ITM2C: variants seen among roughly 807,000 people sequenced by gnomAD.
ITM2C encodes the protein integral membrane protein 2C.
ITM2C carries 20 observed loss-of-function variants against 30.0 expected under a neutral mutation model. The ratio of observed to expected loss-of-function variants is 0.67; its 90% CI spans 0.47 to 0.97. The LOEUF (loss-of-function observed/expected upper bound fraction) is 0.97, where lower values mean the gene tolerates loss of function less well. ITM2C is among the 50% of genes least tolerant of loss of function. The pLI, the probability that ITM2C is intolerant of heterozygous loss-of-function variation, is 0.00. For synonymous variants in ITM2C, 167 were observed against 156.4 expected (o/e 1.07, Z -0.51); for missense variants, 366 against 371.9 (o/e 0.98, Z 0.13).
chr2:230,875,642 G>A lies in ITM2C; in HGVS notation c.284G>A (p.Arg95His), dbSNP rs752126165. ...LAQLARDNFFRCGVLYEDSLS... is the reference protein window; with the variant it reads ...LAQLARDNFFHCGVLYEDSLS... ...CAGCTGGCCCGAGATAACTTCTTCCGCTGTGGTGTGCTGTATGAGGACTCC... is the reference window on the plus strand; with the variant it reads ...CAGCTGGCCCGAGATAACTTCTTCCACTGTGGTGTGCTGTATGAGGACTCC... Residue 95 changes from arginine to histidine, a missense_variant, in exon 3 of 6, where the codon CGC becomes CAC. By Grantham distance (29) the Arg-to-His change is conservative. Transcript: ENST00000326427. The A allele has an allele frequency of 2.5e-5, 40 of 1,607,464 alleles. No homozygotes were observed. Among genetic ancestry groups the A allele is most frequent in the African/African-American group, 1.5e-4 (11 of 74,674 alleles).
intron 1 of ITM2C, among the ~76,000 whole-genome samples, chr2:230,871,561 G>C (rs1265653097): frequency 6.6e-6 from 1 of 152,250 alleles, no homozygotes; most frequent in Non-Finnish European, 1.5e-5. Flanking sequence ...CTGAGGAGAT[G>C]ACAGTGGGCA....
chr2:230,871,112 C>T (rs761028357), intron 1 of ITM2C, among the ~76,000 whole-genome samples: 13 of 152,248 alleles, frequency 8.5e-5, no homozygotes, highest in Admixed American at 3.9e-4. Context: ...ACCCCTGTCA[C>T]GCAGAGTCTG....
intron 3 of ITM2C, among the ~76,000 whole-genome samples, chr2:230,876,160 G>A (rs1342105567): frequency 6.6e-6 from 1 of 152,174 alleles, no homozygotes; most frequent in Non-Finnish European, 1.5e-5. Flanking sequence ...ACCCCCATGG[G>A]TCCTGAGACA....
At position 230,876,066 on chromosome 2, in the gene ITM2C, G is replaced by A. The variant is rs191512965; in HGVS notation, c.450+258G>A. Among the ~76,000 whole-genome samples, 304 of 123,866 alleles carry A rather than the reference G, an allele frequency of 2.5e-3. 5 individuals are homozygous for A. In the East Asian group the frequency reaches 0.054, roughly 22 times the overall value. The allele number at this position is 123,866 out of a possible 152,430, so 81.3% of individuals were successfully genotyped here. A position where few individuals can be genotyped will look rare whatever the true frequency, so the allele number is the denominator to read the frequency against. On this transcript the variant is annotated intron_variant, in intron 3 of 5. Transcript: ENST00000326427. ...CATGGCAGGGCCAGTGCGTTGTATC[G>A]AGGGGTAGTACATTCACCATCGAGT... is the stretch of plus-strand genomic sequence containing the variant.
intron 1 of ITM2C, among the ~76,000 whole-genome samples, chr2:230,868,052 G>A (rs1697072250): frequency 6.6e-6 from 1 of 152,116 alleles, no homozygotes; most frequent in African/African-American, 2.4e-5. Flanking sequence ...GGCAGTTCTT[G>A]ACCTGTGTCC....
chr2:230,865,290 C>A lies in ITM2C; in HGVS notation c.120+145C>A, dbSNP rs1015533859. ...AGGGTTGGGAAGTCTCGAATGGTTG[C>A]TTATCCCAGAATGAGGAGGGGGCTT... On this transcript the variant is annotated intron_variant, in intron 1 of 5. Transcript: ENST00000326427. The surrounding 1 kb of genome is among the most constrained non-coding windows in gnomAD (Gnocchi z 6.8). The A allele has an allele frequency of 3.5e-6, 3 of 866,422 alleles. No homozygotes were observed. Among genetic ancestry groups the A allele is most frequent in the Admixed American group, 4.2e-5 (1 of 23,582 alleles). The allele number at this position is 866,422 out of a possible 1,614,324, so 53.7% of individuals were successfully genotyped here. A position where few individuals can be genotyped will look rare whatever the true frequency, so the allele number is the denominator to read the frequency against.
At chr2:230,875,884 A>C in intron 3 of ITM2C, 76 bp downstream of exon 3, 4 of 1,231,052 alleles carry the variant, frequency 3.2e-6, no homozygotes, top group East Asian at 2.4e-5. Context: ...GCAGGGATGA[A>C]AGGAGACTCC....
intron 2 of ITM2C, among the ~76,000 whole-genome samples, chr2:230,875,393 C>T (rs1209762740): frequency 6.6e-6 from 1 of 152,166 alleles, no homozygotes; most frequent in Non-Finnish European, 1.5e-5. Flanking sequence ...AGCTGGGAAG[C>T]GCCTTGCCCA....
At chr2:230,867,361 C>T (rs1697052842) in intron 1 of ITM2C, among the ~76,000 whole-genome samples, 1 of 152,224 alleles carries the variant, frequency 6.6e-6, no homozygotes, top group Non-Finnish European at 1.5e-5. Flanking sequence ...TGTTGCCCCA[C>T]TTGGCCAACC....
intron 1 of ITM2C, among the ~76,000 whole-genome samples, chr2:230,869,642 G>A (rs752917299): frequency 8.5e-5 from 13 of 152,208 alleles, no homozygotes; most frequent in Non-Finnish European, 1.6e-4. Context: ...TGCAATCATC[G>A]TTAAATCGGC....
Position 230,865,301 on chromosome 2 carries a change from A to C in ITM2C, c.120+156A>C. On this transcript the variant is annotated intron_variant, in intron 1 of 5. Coordinates refer to ENST00000326427, the MANE Select transcript of ITM2C (RefSeq NM_030926.6). The surrounding 1 kb of genome is among the most constrained non-coding windows in gnomAD (Gnocchi z 6.8). ...GTCTCGAATGGTTGCTTATCCCAGA[A>C]TGAGGAGGGGGCTTAAGTCCCGTAC... is the stretch of plus-strand genomic sequence containing the variant. 2 of 752,686 alleles carry C rather than the reference A, an allele frequency of 2.7e-6. No individual in the cohort carries two copies. Among genetic ancestry groups the C allele is most frequent in the Non-Finnish European group, 3.7e-6 (2 of 544,250 alleles). The allele number at this position is 752,686 out of a possible 1,614,324, so 46.6% of individuals were successfully genotyped here. A position where few individuals can be genotyped will look rare whatever the true frequency, so the allele number is the denominator to read the frequency against.
chr2:230,874,251 G>A lies in ITM2C; in HGVS notation c.261+694G>A, dbSNP rs189791695. ...CTCCCACTCCTAAGCGTTTAACTTT[G>A]TTGTCCCCCAGTTTTTCCACGATGG... On this transcript the variant is annotated intron_variant, in intron 2 of 5. Coordinates refer to ENST00000326427, the MANE Select transcript of ITM2C (RefSeq NM_030926.6). 1.8e-4 allele frequency among the ~76,000 whole-genome samples: 28 copies of A among 152,308 alleles called. No individual in the cohort carries two copies. The East Asian group carries it at 5.0e-3, about 27-fold the overall frequency.
At chr2:230,867,514 A>G (rs1697057143) in intron 1 of ITM2C, among the ~76,000 whole-genome samples, 1 of 152,216 alleles carries the variant, frequency 6.6e-6, no homozygotes, top group African/African-American at 2.4e-5. Flanking sequence ...TTCTCAGGGC[A>G]GGGCGTGTAG....
In ITM2C at chr2:230,877,715, C is replaced by G. The variant is rs1024202177; in HGVS notation, c.712+165C>G. 6.6e-6 allele frequency among the ~76,000 whole-genome samples: 1 copy of G among 152,202 alleles called. No individual in the cohort carries two copies. Among genetic ancestry groups the G allele is most frequent in the Non-Finnish European group, 1.5e-5 (1 of 68,034 alleles). On this transcript the variant is annotated intron_variant, in intron 5 of 5. Coordinates refer to ENST00000326427, the MANE Select transcript of ITM2C (RefSeq NM_030926.6). The surrounding 1 kb of genome is among the most constrained non-coding windows in gnomAD (Gnocchi z 4.8). ...GGCAATGCTGTGTGCTCTTTATGAC[C>G]TCTTAAGAGTGTAAGTCATTCTCAT...
At chr2:230,876,782 C>T (rs1299635529) in intron 3 of ITM2C, 75 bp from the exon 4 acceptor site, 1 of 1,029,574 alleles carries the variant, frequency 9.7e-7, no homozygotes. Context: ...GCCTGGCTGG[C>T]CAAAGCTTCT....
At chr2:230,871,570 CA>C (rs1697166214) in intron 1 of ITM2C, among the ~76,000 whole-genome samples, 1 of 152,226 alleles carries the variant, frequency 6.6e-6, no homozygotes, top group Non-Finnish European at 1.5e-5. Context: ...TGACAGTGGG[CA>C]GGTGGTCCAT....
chr2:230,867,173 C>G (rs576664546), intron 1 of ITM2C, among the ~76,000 whole-genome samples: 1 of 152,150 alleles, frequency 6.6e-6, no homozygotes, highest in Non-Finnish European at 1.5e-5. Flanking sequence ...TAGGACTATG[C>G]GATCTGGGGA....
rs763990415 is a variant in ITM2C at position 230,877,209 on chromosome 2, C to T, written c.562-191C>T. Among the ~76,000 whole-genome samples the T allele has an allele frequency of 6.6e-6, 1 of 152,190 alleles. No homozygotes were observed. The highest frequency in any genetic ancestry group is 2.4e-5 in the African/African-American group (1 of 41,436). Reference sequence around the variant, plus strand: ...AGTGTTCAAGGTTGTACCCTGGGTACGGACTCGTGCGCATGCCATTGCTCC... The same window carrying T: ...AGTGTTCAAGGTTGTACCCTGGGTATGGACTCGTGCGCATGCCATTGCTCC... On this transcript the variant is annotated intron_variant, in intron 4 of 5. Coordinates refer to ENST00000326427, the MANE Select transcript of ITM2C (RefSeq NM_030926.6). This position sits in a 1 kb window ranked among gnomAD's most constrained non-coding sequence, Gnocchi z 4.8.
In ITM2C at chr2:230,878,910, G is replaced by C. The variant is rs1289628130; in HGVS notation, c.*811G>C. On this transcript the variant is annotated 3_prime_UTR_variant, in exon 6 of 6. Transcript: ENST00000326427. This position sits in a 1 kb window ranked among gnomAD's most constrained non-coding sequence, Gnocchi z 4.5. ...ACGAGCCGTGGGTTCTGCTGAGTAG[G>C]TGGAGCTCATTGCTTTCTCCAAGCT... 2 of 152,540 alleles carry C rather than the reference G, an allele frequency of 1.3e-5. No homozygotes were observed. The highest frequency in any genetic ancestry group is 4.8e-5 in the African/African-American group (2 of 41,454). 9.4% of individuals were successfully genotyped at this position (152,540 alleles called of 1,614,324 possible).
Sources: allele counts gnomAD v4.1 joint callset (sites outside exome capture counted in the v4.1 genomes callset), GRCh38; gene constraint gnomAD v4.1.1; non-coding constraint Gnocchi (gnomAD v3.1); transcripts MANE v1.5; gene names NCBI Gene and HGNC (gene_info 2026-07-23, HGNC 2026-07-21).